DNAJC2: variants seen among roughly 807,000 people sequenced by gnomAD.
The protein encoded by DNAJC2 is DnaJ heat shock protein family (Hsp40) member C2.
A neutral mutation model predicts 94.0 loss-of-function variants in DNAJC2; 32 were observed. That is an observed-to-expected ratio of 0.34 (90% CI 0.26 to 0.46). DNAJC2 has a LOEUF of 0.46. Among genes scored for constraint, DNAJC2 ranks in the 20% least tolerant of loss-of-function variants. DNAJC2 has a pLI of 1.00. For missense variants in DNAJC2, 550 were observed against 719.5 expected, an observed-to-expected ratio of 0.76 and a Z score of 2.69; for synonymous variants, 210 against 229.7, an observed-to-expected ratio of 0.91 and a Z score of 0.77.
intron 1 of DNAJC2, 169 bp downstream of exon 1, chr7:103,344,390 G>A: frequency 3.0e-6 from 2 of 677,190 alleles, no homozygotes; most frequent in Admixed American, 2.8e-5. Flanking sequence ...TTCTAATCTA[G>A]GGTAGGATTA....
chr7:103,317,085 G>A, intron 12 of DNAJC2, 71 bp from the exon 13 acceptor site: 1 of 1,343,792 alleles, frequency 7.4e-7, no homozygotes, highest in Non-Finnish European at 1.0e-6. Context: ...TTCCTGGCTA[G>A]GGCTTTGTGG....
chr7:103,339,296 T>C lies in DNAJC2; in HGVS notation c.256-1485A>G, dbSNP rs183490069. On this transcript the variant is annotated intron_variant, in intron 2 of 16. Coordinates refer to ENST00000379263, the MANE Select transcript of DNAJC2 (RefSeq NM_014377.3). ...CCATATTTGATGAATGAAAATAAAC[T>C]GAACAAGTGAATGAACTCTGCTACC... Among the ~76,000 whole-genome samples, 12 of 152,342 alleles carry C rather than the reference T, an allele frequency of 7.9e-5. No homozygotes were observed. The South Asian group carries it at 8.3e-4, about 11-fold the overall frequency.
chr7:103,326,453 A>G, intron 5 of DNAJC2, 90 bp downstream of exon 5: 3 of 1,277,992 alleles, frequency 2.3e-6, no homozygotes, highest in Non-Finnish European at 3.4e-6. Context: ...TATAAATGAA[A>G]CTATTATCAG....
intron 1 of DNAJC2, 60 bp from the exon 2 acceptor site, chr7:103,342,014 G>T: frequency 7.7e-7 from 1 of 1,305,018 alleles, no homozygotes. Context: ...TATGTTTCAA[G>T]GCAATTAATT....
intron 13 of DNAJC2, 75 bp downstream of exon 13, chr7:103,316,755 C>T: frequency 8.3e-7 from 1 of 1,206,448 alleles, no homozygotes; most frequent in Non-Finnish European, 1.2e-6. Flanking sequence ...ATAACAAGTG[C>T]TGCTATTTGG....
chr7:103,324,370 G>C (rs938804298), intron 6 of DNAJC2, 112 bp downstream of exon 6: 5 of 950,868 alleles, frequency 5.3e-6, no homozygotes, highest in Non-Finnish European at 7.3e-6. Context: ...CTTTTGTTCA[G>C]TGAAGGTTCT....
Position 103,324,678 on chromosome 7 carries a change from C to T in DNAJC2, c.573-116G>A, listed in dbSNP as rs114183061. 605 of 987,938 alleles carry T rather than the reference C, an allele frequency of 6.1e-4. 4 individuals carry two copies. In the African/African-American group the frequency reaches 9.5e-3, roughly 15 times the overall value. The allele number at this position is 987,938 out of a possible 1,614,324, so 61.2% of individuals were successfully genotyped here. On this transcript the variant is annotated intron_variant, in intron 5 of 16. Coordinates refer to ENST00000379263, the MANE Select transcript of DNAJC2 (RefSeq NM_014377.3). ...TTACTAATTCCTCTGATTTCCCTTC[C>T]CTACAAACTCTACAACTCGAAGATG...
chr7:103,314,779 TAAGC>T (rs1202174265), intron 15 of DNAJC2: 23 of 356,492 alleles, frequency 6.5e-5, no homozygotes, highest in South Asian at 5.7e-4. Flanking sequence ...TTTGGGATAA[TAAGC>T]AAGATTAAAG....
chr7:103,319,494 C>CTT, intron 12 of DNAJC2, 115 bp downstream of exon 12: 1 of 1,034,054 alleles, frequency 9.7e-7, no homozygotes, highest in Non-Finnish European at 1.4e-6. Context: ...CAGTGGGAAA[C>CTT]ATAAAGAGAA....
At chr7:103,319,032 C>T (rs142122854) in intron 12 of DNAJC2, among the ~76,000 whole-genome samples, 4,249 of 152,012 alleles carry the variant, frequency 0.028, 214 homozygotes, top group African/African-American at 0.097. Context: ...GCCAACACAG[C>T]GAAACCCTGT....
chr7:103,324,519 A>G lies in DNAJC2; in HGVS notation c.616T>C (p.Ser206Pro). Residue 206 changes from serine (S) to proline (P), a missense_variant, in exon 6 of 17, where the codon TCA becomes CCA. By Grantham distance (74) the Ser-to-Pro change is moderately conservative. This residue lies in a region of DNAJC2 where 279 missense variants were observed against 416.9 expected (regional missense o/e 0.67). Transcript: ENST00000379263. ...KNVPKLGDMN[S>P]SFEDVDIFYS... ...AATATATCTACATCTTCAAATGATG[A>G]ATTCATATCACCAAGTTTAGGAACA... is the stretch of plus-strand genomic sequence containing the variant. The G allele has an allele frequency of 6.7e-7, 1 of 1,497,108 alleles. No homozygotes were observed. Among genetic ancestry groups the G allele is most frequent in the Non-Finnish European group, 9.0e-7 (1 of 1,111,602 alleles). The allele number at this position is 1,497,108 out of a possible 1,614,324, so 92.7% of individuals were successfully genotyped here. A position where few individuals can be genotyped will look rare whatever the true frequency, so the allele number is the denominator to read the frequency against.
At chr7:103,323,453 A>C in intron 7 of DNAJC2, 145 bp downstream of exon 7, 1 of 861,490 alleles carries the variant, frequency 1.2e-6, no homozygotes, top group Non-Finnish European at 1.6e-6. Flanking sequence ...ACTTGTGAGA[A>C]AGGATTTCAA....
At chr7:103,323,399 T>G (rs1818528609) in intron 7 of DNAJC2, among the ~76,000 whole-genome samples, 199 bp downstream of exon 7, 1 of 152,212 alleles carries the variant, frequency 6.6e-6, no homozygotes. Flanking sequence ...GGCAATTTCT[T>G]AAGCATATCC....
chr7:103,316,887 T>C lies in DNAJC2; in HGVS notation c.1370A>G (p.Asp457Gly). 6.2e-7 allele frequency: 1 copy of C among 1,614,020 alleles called. No individual in the cohort carries two copies. The highest frequency in any genetic ancestry group is 8.5e-7 in the Non-Finnish European group (1 of 1,179,980). Residue 457 changes from aspartate (D) to glycine (G), a missense_variant, in exon 13 of 17, where the codon GAT becomes GGT. Physicochemically the swap from Asp to Gly is moderately conservative, Grantham distance 94 (BLOSUM62 -1). This residue lies in a region of DNAJC2 where 271 missense variants were observed against 302.6 expected (regional missense o/e 0.90). Transcript: ENST00000379263. ...GGNGSKNWSE[D>G]DLQLLIKAVN... ...AGCTTTAATTAGTAATTGTAGATCA[T>C]CTTCTGACCAATTTTTACTTCCATT...
intron 12 of DNAJC2, among the ~76,000 whole-genome samples, chr7:103,318,176 T>A (rs919660543): frequency 7.3e-6 from 1 of 136,456 alleles, no homozygotes; most frequent in African/African-American, 2.5e-5. Flanking sequence ...TTTTTGTCTG[T>A]TTTTTTTGAG....
intron 10 of DNAJC2, 26 bp from the exon 11 acceptor site, chr7:103,319,870 A>C: frequency 6.2e-7 from 1 of 1,609,076 alleles, no homozygotes; most frequent in Non-Finnish European, 8.5e-7. Flanking sequence ...CAAAAATAGT[A>C]TCTACACTCA....
intron 1 of DNAJC2, 126 bp downstream of exon 1, chr7:103,344,433 C>T (rs1819517253): frequency 1.9e-6 from 2 of 1,030,012 alleles, no homozygotes; most frequent in South Asian, 1.3e-5. Context: ...GCACTCGTCA[C>T]GGCCCCATAC....
chr7:103,328,926 CT>C, intron 3 of DNAJC2: 1 of 981,700 alleles, frequency 1.0e-6, no homozygotes, highest in Non-Finnish European at 1.4e-6. Context: ...ATTCTTTCTT[CT>C]TAGGATATAA....
chr7:103,327,489 G>T, intron 4 of DNAJC2, 167 bp downstream of exon 4: 1 of 680,358 alleles, frequency 1.5e-6, no homozygotes, highest in Non-Finnish European at 2.5e-6. Flanking sequence ...CTCACTTTGT[G>T]TCGTGAGGCT....
Sources: gnomAD v4.1 joint callset for allele counts (sites outside exome capture counted in the v4.1 genomes callset) on GRCh38, gnomAD v4.1.1 for gene constraint, gnomAD v4.1.1 regional missense constraint, MANE v1.5 for transcripts, NCBI Gene and HGNC (gene_info 2026-07-23, HGNC 2026-07-21) for gene names.